The following GTPBP4 variants were observed in gnomAD, a reference collection of about 807,000 sequenced individuals.
GTPBP4 encodes the protein GTP binding protein 4.
GTPBP4 carries 15 observed loss-of-function variants against 81.7 expected under a neutral mutation model. The observed-to-expected ratio is 0.18, with a 90% CI of 0.12 to 0.28. The LOEUF (loss-of-function observed/expected upper bound fraction) is 0.28, where lower values mean the gene tolerates loss of function less well. Among genes scored for constraint, GTPBP4 ranks in the 10% least tolerant of loss-of-function variants. GTPBP4 has a pLI of 1.00. For synonymous variants in GTPBP4, 272 were observed against 274.6 expected (o/e 0.99, Z 0.09); for missense variants, 847 against 793.8 (o/e 1.07, Z -0.81).
At chr10:1,005,597 G>A (rs139483211) in intron 8 of GTPBP4, among the ~76,000 whole-genome samples, 1 of 152,284 alleles carries the variant, frequency 6.6e-6, no homozygotes, top group East Asian at 1.9e-4. Context: ...GGACAGATGT[G>A]AGGGGCTACT....
chr10:1,017,473 A>G lies in GTPBP4; in HGVS notation c.*246A>G, dbSNP rs1476220224. On this transcript the variant is annotated 3_prime_UTR_variant, in exon 17 of 17. Coordinates refer to ENST00000360803, the MANE Select transcript of GTPBP4 (RefSeq NM_012341.3). Reference sequence around the variant, plus strand: ...TTTAATGGAGTATCAGTTGCTTCAGATTTTCAGAACTGGGAAGATTTACTG... The same window carrying G: ...TTTAATGGAGTATCAGTTGCTTCAGGTTTTCAGAACTGGGAAGATTTACTG... The G allele has an allele frequency of 5.6e-6, 2 of 355,248 alleles. No individual in the cohort carries two copies. Among genetic ancestry groups the G allele is most frequent in the African/African-American group, 2.1e-5 (1 of 47,790 alleles). The allele number at this position is 355,248 out of a possible 1,614,324, so 22.0% of individuals were successfully genotyped here. A position where few individuals can be genotyped will look rare whatever the true frequency, so the allele number is the denominator to read the frequency against.
chr10:999,191 C>G (rs973553280), intron 6 of GTPBP4, 96 bp downstream of exon 6: 7 of 707,600 alleles, frequency 9.9e-6, no homozygotes, highest in Admixed American at 2.1e-5. Flanking sequence ...TGATCTCAGT[C>G]CACTGCAACC....
Position 1,005,881 on chromosome 10 carries a change from GA to G in GTPBP4, c.978del (p.Gly327ValfsTer22). 1 of 1,588,422 alleles carries G rather than the reference GA, an allele frequency of 6.3e-7. No individual in the cohort carries two copies. The highest frequency in any genetic ancestry group is 8.6e-7 in the Non-Finnish European group (1 of 1,162,750). On this transcript the variant is annotated frameshift_variant, in exon 9 of 17. Coordinates refer to ENST00000360803, the MANE Select transcript of GTPBP4 (RefSeq NM_012341.3). LOFTEE classifies it high-confidence loss of function. Reference protein sequence around the residue: ...PVIETSTLTEEGVIKVKTEAC... With the variant: ...PVIETSTLTEXGVIKVKTEAC... The stretch of plus-strand genomic sequence containing the variant: ...AATAGAGACCAGCACCCTGACTGAG[GA>G]AGGTGTTATTAAAGTTAAAACAGAG...
chr10:996,398 T>A (rs1489253351), intron 4 of GTPBP4, 156 bp downstream of exon 4: 1 of 512,966 alleles, frequency 1.9e-6, no homozygotes, highest in Non-Finnish European at 3.3e-6. Context: ...ATAGGCTGGT[T>A]TTTATTGAAA....
intron 1 of GTPBP4, chr10:988,898 G>A (rs1314623128): frequency 4.5e-6 from 1 of 220,100 alleles, no homozygotes; most frequent in African/African-American, 2.3e-5. Flanking sequence ...TCCGTGATGA[G>A]CCTTCGGATT....
intron 13 of GTPBP4, 46 bp from the exon 14 acceptor site, chr10:1,012,419 G>C (rs766100170): frequency 7.5e-7 from 1 of 1,338,588 alleles, no homozygotes; most frequent in Non-Finnish European, 1.1e-6. Flanking sequence ...TGACTCAGGG[G>C]TTTTCTCATT....
intron 11 of GTPBP4, 81 bp downstream of exon 11, chr10:1,009,116 G>A (rs530752593): frequency 2.3e-5 from 24 of 1,029,594 alleles, no homozygotes; most frequent in African/African-American, 3.1e-5. Context: ...CTGGGGCATC[G>A]AACAGGAGCC....
At chr10:989,875 T>C (rs527239606) in intron 1 of GTPBP4, among the ~76,000 whole-genome samples, 17 of 152,198 alleles carry the variant, frequency 1.1e-4, no homozygotes, top group Non-Finnish European at 2.4e-4. Flanking sequence ...TAGCTGGGAC[T>C]ACAGGCATGC....
intron 14 of GTPBP4, among the ~76,000 whole-genome samples, chr10:1,014,039 C>T (rs1210381811): frequency 1.3e-5 from 2 of 152,260 alleles, no homozygotes; most frequent in East Asian, 3.9e-4. Flanking sequence ...TGATTCTTCC[C>T]ACAGCAACTG....
In GTPBP4 at chr10:992,495, A is replaced by G; in HGVS notation, c.55A>G (p.Ile19Val). ...TTATTTTCTTTAATTGCAGGACTTCATAGACCTCACGTTGTCGAAGACTCA... is the reference window on the plus strand; with the variant it reads ...TTATTTTCTTTAATTGCAGGACTTCGTAGACCTCACGTTGTCGAAGACTCA... ...ITVVPSAKDF[I>V]DLTLSKTQRK... is the part of the protein sequence containing the mutation. The change falls in exon 2 of 17, where the codon ATA (isoleucine) becomes GTA (valine). Residue 19 changes from isoleucine to valine, a missense_variant. By Grantham distance (29) the Ile-to-Val change is conservative. Around this residue, in one of 3 missense-constraint regions of GTPBP4, gnomAD observed 241 missense variants for 216.3 expected, o/e 1.11. Coordinates refer to ENST00000360803, the MANE Select transcript of GTPBP4 (RefSeq NM_012341.3). 6.3e-7 allele frequency: 1 copy of G among 1,591,296 alleles called. No individual in the cohort carries two copies. The highest frequency in any genetic ancestry group is 8.6e-7 in the Non-Finnish European group (1 of 1,159,884).
At chr10:1,006,091 C>T (rs1453221829) in intron 9 of GTPBP4, among the ~76,000 whole-genome samples, 184 bp downstream of exon 9, 1 of 152,214 alleles carries the variant, frequency 6.6e-6, no homozygotes, top group Non-Finnish European at 1.5e-5. Context: ...CACTTTGCCC[C>T]CCGTGGACAG....
intron 14 of GTPBP4, 68 bp downstream of exon 14, chr10:1,012,730 C>A: frequency 2.8e-6 from 3 of 1,084,810 alleles, no homozygotes; most frequent in Non-Finnish European, 4.1e-6. Context: ...GTGATCATTG[C>A]TAAATAACAA....
chr10:999,037 C>T lies in GTPBP4; in HGVS notation c.596C>T (p.Ala199Val), dbSNP rs376110021. The T allele has an allele frequency of 2.9e-5, 47 of 1,608,356 alleles. 1 individual carries two copies. The highest frequency in any genetic ancestry group is 3.7e-5 in the Non-Finnish European group (44 of 1,174,804). The change falls in exon 6 of 17, where the codon GCG (alanine) becomes GTG (valine). Residue 199 changes from alanine to valine, a missense_variant. Physicochemically the swap from Ala to Val is moderately conservative, Grantham distance 64 (BLOSUM62 0). Coordinates refer to ENST00000360803, the MANE Select transcript of GTPBP4 (RefSeq NM_012341.3). ...TRADVDVQPY[A>V]FTTKSLFVGH... Reference sequence around the variant, plus strand: ...GCAGACGTGGATGTCCAGCCCTATGCGTTCACAACCAAGTCTCTGTTTGTT... The same window carrying T: ...GCAGACGTGGATGTCCAGCCCTATGTGTTCACAACCAAGTCTCTGTTTGTT...
Position 1,017,916 on chromosome 10 carries a change from A to G in GTPBP4, c.*689A>G, listed in dbSNP as rs966420647. On this transcript the variant is annotated 3_prime_UTR_variant, in exon 17 of 17. Transcript: ENST00000360803. The stretch of plus-strand genomic sequence containing the variant: ...TCAGTAAAACACAAAAACACCGCCA[A>G]TGCCACCTCAAAAGCACCTGCTGGG... 8 of 152,216 alleles carry G rather than the reference A, an allele frequency of 5.3e-5. No individual in the cohort carries two copies. Among genetic ancestry groups the G allele is most frequent in the Non-Finnish European group, 1.0e-4 (7 of 68,040 alleles). The allele number at this position is 152,216 out of a possible 1,614,324, so 9.4% of individuals were successfully genotyped here. A position where few individuals can be genotyped will look rare whatever the true frequency, so the allele number is the denominator to read the frequency against.
rs1421919708 is a variant in GTPBP4 at position 1,019,246 on chromosome 10, TAATC to T, written c.*2022_*2025del. ...CAAGACTTTCAGGATCAGCTGCTGT[TAATC>T]AAACAAGTGCTTATAAAATGGAAAT... On this transcript the variant is annotated 3_prime_UTR_variant, in exon 17 of 17. Coordinates refer to ENST00000360803, the MANE Select transcript of GTPBP4 (RefSeq NM_012341.3). The T allele has an allele frequency of 2.8e-6, 1 of 360,102 alleles. No homozygotes were observed. Among genetic ancestry groups the T allele is most frequent in the Non-Finnish European group, 5.1e-6 (1 of 196,398 alleles). 22.3% of individuals were successfully genotyped at this position (360,102 alleles called of 1,614,324 possible). A position where few individuals can be genotyped will look rare whatever the true frequency, so the allele number is the denominator to read the frequency against.
At position 1,015,915 on chromosome 10, in the gene GTPBP4, T is replaced by C. The variant is rs1286198415; in HGVS notation, c.1752+19T>C. On this transcript the variant is annotated intron_variant, in intron 16 of 16. Coordinates refer to ENST00000360803, the MANE Select transcript of GTPBP4 (RefSeq NM_012341.3). ...TGTCAAGGTCAGTCTCTGTGTTGTG[T>C]AATGTAATAAAATGACAGTCTCTGT... 6.3e-7 allele frequency: 1 copy of C among 1,590,652 alleles called. No homozygotes were observed. Among genetic ancestry groups the C allele is most frequent in the Non-Finnish European group, 8.6e-7 (1 of 1,164,628 alleles).
rs143041334 is a variant in GTPBP4, at chr10:997,269, T to C, written c.522T>C (p.Cys174=). Residue 174 remains cysteine, a synonymous_variant, in exon 5 of 17, where the codon TGT becomes TGC. Coordinates refer to ENST00000360803, the MANE Select transcript of GTPBP4 (RefSeq NM_012341.3). ...CGAATACCAGGACCCTGCTTTTGTG[T>C]GGGTACCCAAATGTTGGGAAGTCCA... The part of the protein sequence containing the change: ...IDPNTRTLLL[C]GYPNVGKSSF... 6.2e-7 allele frequency: 1 copy of C among 1,608,882 alleles called. No homozygotes were observed. The highest frequency in any genetic ancestry group is 1.3e-5 in the African/African-American group (1 of 74,814).
intron 1 of GTPBP4, among the ~76,000 whole-genome samples, chr10:991,388 G>A (rs116980275): frequency 9.8e-5 from 15 of 152,322 alleles, no homozygotes; most frequent in Non-Finnish European, 1.9e-4. Context: ...GGAATCCTGG[G>A]GATCGGATCC....
chr10:1,006,050 G>A, intron 9 of GTPBP4, 143 bp downstream of exon 9: 1 of 573,250 alleles, frequency 1.7e-6, no homozygotes, highest in South Asian at 2.2e-5. Flanking sequence ...GCGTGCGAGA[G>A]TGGGGCGTGA....
Sources: allele counts gnomAD v4.1 joint callset (sites outside exome capture counted in the v4.1 genomes callset), GRCh38; gene constraint gnomAD v4.1.1; regional missense constraint gnomAD v4.1.1; transcripts MANE v1.5; gene names NCBI Gene and HGNC (gene_info 2026-07-23, HGNC 2026-07-21).